Variants in KAZN observed in about 807,000 individuals in gnomAD.
KAZN encodes the protein kazrin, periplakin interacting protein.
Under a neutral mutation model 87.4 loss-of-function variants are expected in KAZN, and 40 were observed. The ratio of observed to expected loss-of-function variants is 0.46; its 90% CI spans 0.36 to 0.60. The LOEUF is 0.60. KAZN is among the 20% of genes least tolerant of loss of function. The pLI is 0.00. For missense variants in KAZN, 898 were observed against 1,073.9 expected (o/e 0.84, Z 2.29); for synonymous variants, 466 against 458.3 (o/e 1.02, Z -0.22).
intron 2 of KAZN, among the ~76,000 whole-genome samples, chr1:14,481,326 A>G (rs1219389028): frequency 6.6e-6 from 1 of 152,206 alleles, no homozygotes; most frequent in Non-Finnish European, 1.5e-5. Context: ...AGCACTGGAC[A>G]TATAATAAGC....
At chr1:13,982,179 G>A (rs1187500210) in intron 1 of KAZN, among the ~76,000 whole-genome samples, 2 of 152,218 alleles carry the variant, frequency 1.3e-5, no homozygotes, top group African/African-American at 4.8e-5. Flanking sequence ...CTGCTCAGGC[G>A]GATCATGGAC....
At chr1:14,299,323 T>C (rs1654360427) in intron 2 of KAZN, among the ~76,000 whole-genome samples, 1 of 152,084 alleles carries the variant, frequency 6.6e-6, no homozygotes, top group East Asian at 1.9e-4. Context: ...GCCAACATAC[T>C]GAAACCCTGT....
At chr1:15,017,838 C>G (rs1255434745) in intron 2 of KAZN, among the ~76,000 whole-genome samples, 1 of 152,154 alleles carries the variant, frequency 6.6e-6, no homozygotes, top group Non-Finnish European at 1.5e-5. Context: ...TGGGGGATAC[C>G]CCGATGTCAC....
At chr1:14,561,877 C>T (rs1361911872) in intron 2 of KAZN, among the ~76,000 whole-genome samples, 3 of 151,396 alleles carry the variant, frequency 2.0e-5, no homozygotes, top group Non-Finnish European at 4.4e-5. Context: ...GCACTCCAGC[C>T]TTCATGAAAG....
At chr1:14,433,261 C>A (rs1456444550) in intron 2 of KAZN, among the ~76,000 whole-genome samples, 1 of 152,220 alleles carries the variant, frequency 6.6e-6, no homozygotes, top group Non-Finnish European at 1.5e-5. Context: ...ACCCACCCCC[C>A]ACAGAGACAA....
chr1:14,696,126 C>A (rs527274937), intron 1 of KAZN, among the ~76,000 whole-genome samples: 124 of 152,318 alleles, frequency 8.1e-4, no homozygotes, highest in African/African-American at 2.7e-3. Context: ...ATCCACTCAT[C>A]TCCTTCCCCC....
intron 2 of KAZN, among the ~76,000 whole-genome samples, chr1:14,236,875 G>A (rs1240395495): frequency 6.6e-6 from 1 of 152,120 alleles, no homozygotes; most frequent in Non-Finnish European, 1.5e-5. Context: ...CATGAGCCAT[G>A]ATCACACCAC....
intron 1 of KAZN, among the ~76,000 whole-genome samples, chr1:14,699,995 G>A (rs1444103558): frequency 1.3e-5 from 2 of 152,176 alleles, no homozygotes; most frequent in Non-Finnish European, 2.9e-5. Flanking sequence ...AGGCTGTGAG[G>A]CAGGAATAAG....
intron 2 of KAZN, among the ~76,000 whole-genome samples, chr1:14,559,049 G>A (rs1674091798): frequency 1.3e-5 from 2 of 152,102 alleles, no homozygotes; most frequent in South Asian, 4.1e-4. Flanking sequence ...GTAACCCAAG[G>A]ATAAGTGATC....
At chr1:15,024,706 T>A (rs945588886) in intron 2 of KAZN, among the ~76,000 whole-genome samples, 2 of 152,230 alleles carry the variant, frequency 1.3e-5, no homozygotes, top group Non-Finnish European at 2.9e-5. Context: ...GTCTCACCTC[T>A]GTGGGAAGCA....
chr1:14,282,152 C>A (rs766462947), intron 2 of KAZN, among the ~76,000 whole-genome samples: 1 of 152,142 alleles, frequency 6.6e-6, no homozygotes, highest in African/African-American at 2.4e-5. Flanking sequence ...TTGTATACTA[C>A]GGGCTGTTTC....
chr1:14,046,044 C>A (rs1642055450), intron 1 of KAZN, among the ~76,000 whole-genome samples: 1 of 152,148 alleles, frequency 6.6e-6, no homozygotes, highest in Non-Finnish European at 1.5e-5. Flanking sequence ...AATCCTGCTT[C>A]TAGAGGAGCA....
intron 1 of KAZN, among the ~76,000 whole-genome samples, chr1:14,902,777 C>T (rs1482212992): frequency 1.3e-5 from 2 of 151,822 alleles, no homozygotes; most frequent in African/African-American, 4.8e-5. Context: ...CAGTGAATGT[C>T]CTGCTTTTTG....
chr1:14,890,486 A>C (rs181671560), intron 1 of KAZN, among the ~76,000 whole-genome samples: 186 of 149,156 alleles, frequency 1.2e-3, no homozygotes, highest in Middle Eastern at 6.8e-3. Context: ...ACATTTTTAA[A>C]ATTCCTGATA....
chr1:15,027,070 C>CTTTTTT (rs71000358), intron 2 of KAZN, among the ~76,000 whole-genome samples: 1,669 of 56,124 alleles, frequency 0.03, 326 homozygotes, highest in Admixed American at 0.046. Context: ...GCCAGTGCTT[C>CTTTTTT]TTTTTTTTTT....
chr1:13,925,443 G>A (rs867208436), intron 1 of KAZN, among the ~76,000 whole-genome samples: 1 of 152,196 alleles, frequency 6.6e-6, no homozygotes, highest in Non-Finnish European at 1.5e-5. Context: ...CCTCAATGTG[G>A]CAGTGACTTT....
intron 10 of KAZN, among the ~76,000 whole-genome samples, chr1:15,097,769 G>T (rs376282806): frequency 2.6e-5 from 4 of 152,122 alleles, no homozygotes; most frequent in Non-Finnish European, 5.9e-5. Flanking sequence ...AGTGAGCCGA[G>T]ACTGCATCAT....
intron 2 of KAZN, among the ~76,000 whole-genome samples, chr1:14,344,206 G>T (rs1657945922): frequency 1.5e-5 from 2 of 129,400 alleles, no homozygotes; most frequent in African/African-American, 3.1e-5. Flanking sequence ...AAGGAAACTA[G>T]CCTGGCATGT....
At chr1:14,689,066 G>A (rs571254157) in intron 1 of KAZN, among the ~76,000 whole-genome samples, 36 of 152,182 alleles carry the variant, frequency 2.4e-4, no homozygotes, top group African/African-American at 7.5e-4. Flanking sequence ...ATGGTGGTGC[G>A]TGCCTGAAAT....
Sources: gnomAD v4.1 joint callset for allele counts (sites outside exome capture counted in the v4.1 genomes callset) on GRCh38, gnomAD v4.1.1 for gene constraint, MANE v1.5 for transcripts, NCBI Gene and HGNC (gene_info 2026-07-23, HGNC 2026-07-21) for gene names.